BICRA: variants seen among roughly 807,000 people sequenced by gnomAD.
BICRA encodes BRD4 interacting chromatin remodeling complex associated protein.
A neutral mutation model predicts 96.9 loss-of-function variants in BICRA; 31 were observed. The observed-to-expected ratio is 0.32, with a 90% CI of 0.24 to 0.43. BICRA has a LOEUF of 0.43. BICRA is among the 20% of genes least tolerant of loss of function. The pLI, the probability that BICRA is intolerant of heterozygous loss-of-function variation, is 1.00. For missense variants in BICRA, 2,283 were observed against 2,190.3 expected (o/e 1.04, Z -0.84); for synonymous variants, 1,350 against 1,071.8 (o/e 1.26, Z -5.07).
chr19:47,701,498 T>C lies in BICRA; in HGVS notation c.3766T>C (p.Ser1256Pro). Residue 1256 changes from serine (S) to proline (P), a missense_variant, in exon 15 of 15, where the codon TCC (serine) becomes CCC (proline). Ser to Pro is a moderately conservative substitution (Grantham distance 74). Transcript: ENST00000594866. The surrounding 1 kb of genome is among the most constrained non-coding windows in gnomAD (Gnocchi z 5.4). ...GATCCGGCACGGCGGGGCAGGCGGC[T>C]CCCCTTCGGTCACCTGGGCCCGGGC... ...LVIRHGGAGG[S>P]PSVTWARASS... The C allele has an allele frequency of 6.5e-7, 1 of 1,547,596 alleles. No homozygotes were observed. Among genetic ancestry groups the C allele is most frequent in the South Asian group, 1.2e-5 (1 of 84,086 alleles).
intron 5 of BICRA, among the ~76,000 whole-genome samples, chr19:47,678,758 G>A (rs1478990601): frequency 2.0e-5 from 3 of 151,540 alleles, no homozygotes; most frequent in African/African-American, 7.3e-5. Flanking sequence ...ACATTTTACT[G>A]ATGGGTACAG....
chr19:47,673,838 T>C, intron 4 of BICRA, 76 bp downstream of exon 4: 2 of 1,283,010 alleles, frequency 1.6e-6, no homozygotes, highest in Non-Finnish European at 2.3e-6. Context: ...GGGAGAGACA[T>C]GTCCCTTTGA....
chr19:47,623,132 T>C (rs1972090144), intron 1 of BICRA, among the ~76,000 whole-genome samples: 2 of 151,892 alleles, frequency 1.3e-5, no homozygotes, highest in African/African-American at 4.8e-5. Context: ...TATATAAAAA[T>C]ATATACTCCT....
At chr19:47,612,716 G>C (rs886586289) in intron 1 of BICRA, among the ~76,000 whole-genome samples, 1 of 152,038 alleles carries the variant, frequency 6.6e-6, no homozygotes, top group East Asian at 1.9e-4. Context: ...CCATTTTACA[G>C]ATGGGGAAAC....
At chr19:47,639,311 C>G (rs1972347879) in intron 1 of BICRA, among the ~76,000 whole-genome samples, 1 of 147,464 alleles carries the variant, frequency 6.8e-6, no homozygotes, top group Admixed American at 6.9e-5. Flanking sequence ...CCTTGCACCC[C>G]ACCCTGCATT....
chr19:47,693,732 G>A (rs1417930049), intron 7 of BICRA, among the ~76,000 whole-genome samples: 4 of 152,176 alleles, frequency 2.6e-5, no homozygotes, highest in Admixed American at 6.5e-5. Context: ...GCTGGGCAGC[G>A]GGTGTGGTGC....
chr19:47,692,055 T>C (rs1038535815), intron 7 of BICRA, among the ~76,000 whole-genome samples: 13 of 152,228 alleles, frequency 8.5e-5, no homozygotes, highest in East Asian at 5.8e-4. Flanking sequence ...TCATGTAGCA[T>C]TGGAGTGCCG....
At chr19:47,673,858 C>CACAAGGCAG in intron 4 of BICRA, 96 bp downstream of exon 4, 1 of 1,096,616 alleles carries the variant, frequency 9.1e-7, no homozygotes, top group Non-Finnish European at 1.4e-6. Context: ...ATGAGGTAGC[C>CACAAGGCAG]ATCTGCCTTG....
chr19:47,683,001 A>T (rs577880382), intron 7 of BICRA, among the ~76,000 whole-genome samples: 1 of 152,230 alleles, frequency 6.6e-6, no homozygotes, highest in South Asian at 2.1e-4. Context: ...GTGACTGCGT[A>T]GTATTCCACT....
chr19:47,647,802 T>C (rs1362059103), intron 1 of BICRA, among the ~76,000 whole-genome samples: 1 of 152,016 alleles, frequency 6.6e-6, no homozygotes, highest in East Asian at 1.9e-4. Context: ...AAGACCCTGC[T>C]ATGTCCTTGA....
chr19:47,679,243 T>A, intron 5 of BICRA, 78 bp from the exon 6 acceptor site: 1 of 1,092,450 alleles, frequency 9.2e-7, no homozygotes, highest in African/African-American at 1.7e-5. Flanking sequence ...CACCTCAGCA[T>A]TCTTTGCGGC....
At chr19:47,658,154 C>G (rs758782869) in intron 1 of BICRA, among the ~76,000 whole-genome samples, 1 of 152,146 alleles carries the variant, frequency 6.6e-6, no homozygotes, top group Admixed American at 6.6e-5. Context: ...GCAAGGGAGT[C>G]TGAGGAAGAA....
At chr19:47,624,104 GC>G (rs1479532371) in intron 1 of BICRA, among the ~76,000 whole-genome samples, 3 of 152,114 alleles carry the variant, frequency 2.0e-5, no homozygotes, top group Non-Finnish European at 4.4e-5. Flanking sequence ...GCCCACCTCT[GC>G]CTCCCAAAGT....
rs754917104 is a variant in BICRA at position 47,682,120 on chromosome 19, G to A, written c.2251G>A (p.Asp751Asn). 9 of 1,253,336 alleles carry A rather than the reference G, an allele frequency of 7.2e-6. No homozygotes were observed. Among genetic ancestry groups the A allele is most frequent in the Middle Eastern group, 3.1e-4 (1 of 3,194 alleles). 77.6% of individuals were successfully genotyped at this position (1,253,336 alleles called of 1,614,324 possible). Residue 751 changes from aspartate to asparagine, a missense_variant, in exon 7 of 15, where the codon GAC (aspartate) becomes AAC (asparagine). By Grantham distance (23) the Asp-to-Asn change is conservative (BLOSUM62 1). Coordinates refer to ENST00000594866, the MANE Select transcript of BICRA (RefSeq NM_001394372.1). ...KGAGLGPQAP[D>N]SQASPAPAPQ... ...AGCTGGCCTCGGCCCTCAGGCCCCC[G>A]ACAGCCAGGCTTCCCCGGCTCCGGC...
intron 5 of BICRA, among the ~76,000 whole-genome samples, chr19:47,676,901 A>G (rs1972950698): frequency 6.6e-6 from 1 of 151,888 alleles, no homozygotes; most frequent in African/African-American, 2.4e-5. Flanking sequence ...CACTCTCCAC[A>G]CGTGACATCA....
intron 2 of BICRA, among the ~76,000 whole-genome samples, chr19:47,670,766 C>T (rs1972850653): frequency 6.6e-6 from 1 of 152,360 alleles, no homozygotes; most frequent in South Asian, 2.1e-4. Context: ...TTCTCTCTGC[C>T]CCTTTCCCCT....
intron 1 of BICRA, among the ~76,000 whole-genome samples, chr19:47,654,366 CTG>C (rs1017738157): frequency 1.3e-5 from 2 of 151,950 alleles, no homozygotes; most frequent in Admixed American, 6.6e-5. Context: ...TTTAGAGAAA[CTG>C]TAGTTGATTT....
In BICRA at chr19:47,699,454, C is replaced by A. The variant is rs559529090; in HGVS notation, c.3595+49C>A. On this transcript the variant is annotated intron_variant, in intron 14 of 14. Coordinates refer to ENST00000594866, the MANE Select transcript of BICRA (RefSeq NM_001394372.1). This position sits in a 1 kb window ranked among gnomAD's most constrained non-coding sequence, Gnocchi z 5.0. ...AGGGGAGGGAGAGGTGCCCCCACCC[C>A]ACCTGGGCAGAAGAGTTAGATTCAG... 49 of 1,059,506 alleles carry A rather than the reference C, an allele frequency of 4.6e-5. No individual in the cohort carries two copies. Among genetic ancestry groups the A allele is most frequent in the African/African-American group, 2.0e-4 (13 of 63,892 alleles). The allele number at this position is 1,059,506 out of a possible 1,614,324, so 65.6% of individuals were successfully genotyped here. A position where few individuals can be genotyped will look rare whatever the true frequency, so the allele number is the denominator to read the frequency against.
rs542400725 is a variant in BICRA, at chr19:47,683,282, C to T, written c.2283+1130C>T. Among the ~76,000 whole-genome samples, 14 of 152,152 alleles carry T rather than the reference C, an allele frequency of 9.2e-5. No homozygotes were observed. The East Asian group carries it at 2.5e-3, about 27-fold the overall frequency. ...GTTGTGCCTTTTTTCCCCCGCCCCC[C>T]GCAACCTCACCAGTATGTTGAACTT... On this transcript the variant is annotated intron_variant, in intron 7 of 14. Transcript: ENST00000594866.
Sources: allele counts gnomAD v4.1 joint callset (sites outside exome capture counted in the v4.1 genomes callset), GRCh38; gene constraint gnomAD v4.1.1; non-coding constraint Gnocchi (gnomAD v3.1); transcripts MANE v1.5; gene names NCBI Gene and HGNC (gene_info 2026-07-23, HGNC 2026-07-21).